KIFC3: variants seen among roughly 807,000 people sequenced by gnomAD.
KIFC3 encodes kinesin family member C3.
In KIFC3, 60 loss-of-function variants were observed where a neutral mutation model predicts 101.8. The observed-to-expected ratio is 0.59, with a 90% CI of 0.48 to 0.73. The LOEUF (loss-of-function observed/expected upper bound fraction) is 0.73. KIFC3 is among the 30% of genes least tolerant of loss of function. The pLI is 0.00. For missense variants in KIFC3, 966 were observed against 1,137.1 expected, an observed-to-expected ratio of 0.85 and a Z score of 2.16; for synonymous variants, 476 against 482.7, an observed-to-expected ratio of 0.99 and a Z score of 0.18.
At chr16:57,844,693 C>T (rs2055882604) in intron 1 of KIFC3, among the ~76,000 whole-genome samples, 1 of 152,128 alleles carries the variant, frequency 6.6e-6, no homozygotes, top group Non-Finnish European at 1.5e-5. Context: ...TGAACAGAGC[C>T]ATACCAGGGC....
chr16:57,774,929 C>T (rs1244885911), intron 3 of KIFC3: 7 of 1,478,750 alleles, frequency 4.7e-6, no homozygotes, highest in African/African-American at 2.8e-5. Flanking sequence ...TTCCACGCCC[C>T]CTCCCTCCCC....
intron 3 of KIFC3, among the ~76,000 whole-genome samples, chr16:57,779,044 T>C (rs1232925325): frequency 6.6e-6 from 1 of 152,162 alleles, no homozygotes; most frequent in South Asian, 2.1e-4. Context: ...AAATTAAAAA[T>C]TGAACTATCA....
intron 3 of KIFC3, among the ~76,000 whole-genome samples, chr16:57,784,860 G>A (rs893839069): frequency 6.6e-6 from 1 of 151,836 alleles, no homozygotes; most frequent in Non-Finnish European, 1.5e-5. Flanking sequence ...CCCATGGGAC[G>A]TGCAGCTCAT....
At position 57,832,426 on chromosome 16, in the gene KIFC3, T is replaced by C. The variant is rs148986351; in HGVS notation, c.108+30303A>G. Among the ~76,000 whole-genome samples, 406 of 147,152 alleles carry C rather than the reference T, an allele frequency of 2.8e-3. 4 individuals are homozygous for C. Among genetic ancestry groups the C allele is most frequent in the African/African-American group, 9.4e-3 (373 of 39,736 alleles). The stretch of plus-strand genomic sequence containing the variant: ...GCAATCTCTACCTCCCAGGTTCAAG[T>C]GATTCTCCTGCCTGAGCCTCCCAAG... On this transcript the variant is annotated intron_variant, in intron 1 of 2. Coordinates refer to the KIFC3 transcript ENST00000563028.
chr16:57,794,237 CTTTT>C (rs782736400), intron 3 of KIFC3, among the ~76,000 whole-genome samples: 1 of 143,802 alleles, frequency 7.0e-6, no homozygotes, highest in East Asian at 2.0e-4. Context: ...TTTTTCTTTT[CTTTT>C]TTTTTTTTTG....
upstream of KIFC3, among the ~76,000 whole-genome samples, chr16:57,805,021 G>C (rs1243271601): frequency 6.6e-6 from 1 of 151,948 alleles, no homozygotes; most frequent in Non-Finnish European, 1.5e-5. Flanking sequence ...GGTAGAGACA[G>C]GGTTTCACCA....
At chr16:57,854,093 C>A (rs973742296) in intron 1 of KIFC3, among the ~76,000 whole-genome samples, 1 of 151,904 alleles carries the variant, frequency 6.6e-6, no homozygotes, top group Non-Finnish European at 1.5e-5. Context: ...AGGTGCACAC[C>A]ATCACACCCA....
intron 1 of KIFC3, among the ~76,000 whole-genome samples, chr16:57,833,667 G>A (rs1025332372): frequency 1.3e-5 from 2 of 152,096 alleles, no homozygotes; most frequent in African/African-American, 2.4e-5. Context: ...CCCTACTCCC[G>A]ACTTTGGGTG....
intron 1 of KIFC3, chr16:57,815,326 A>G (rs2055195860): frequency 1.5e-6 from 1 of 646,414 alleles, no homozygotes; most frequent in Non-Finnish European, 2.1e-6. Flanking sequence ...ATTTGTAACC[A>G]GAGTAGCTCC....
At chr16:57,786,989 G>A (rs2053397551) in intron 3 of KIFC3, among the ~76,000 whole-genome samples, 1 of 152,242 alleles carries the variant, frequency 6.6e-6, no homozygotes, top group African/African-American at 2.4e-5. Flanking sequence ...GCTGGAGCTG[G>A]GCATCCCCGG....
intron 1 of KIFC3, among the ~76,000 whole-genome samples, chr16:57,841,177 A>C (rs1026450076): frequency 5.9e-5 from 9 of 152,262 alleles, no homozygotes; most frequent in Admixed American, 1.3e-4. Flanking sequence ...GGTGGAAAAA[A>C]ATAATTCAAA....
chr16:57,780,578 T>A (rs61177996), intron 3 of KIFC3, among the ~76,000 whole-genome samples: 98,638 of 139,892 alleles, frequency 0.71, 35,608 homozygotes, highest in Non-Finnish European at 0.79. Flanking sequence ...TAAAATGATT[T>A]AAAAAAAAAA....
intron 1 of KIFC3, among the ~76,000 whole-genome samples, chr16:57,845,060 C>T (rs758984078): frequency 1.3e-5 from 2 of 152,114 alleles, no homozygotes; most frequent in Non-Finnish European, 2.9e-5. Context: ...AATTAAGTGA[C>T]CTAGGCTCCT....
In KIFC3 at chr16:57,761,087, C is replaced by T. The variant is rs201137413; in HGVS notation, c.1957G>A (p.Val653Met). The T allele has an allele frequency of 6.2e-6, 10 of 1,613,708 alleles. No homozygotes were observed. The East Asian group carries it at 6.7e-5, about 11-fold the overall frequency. ...CTGCAGTCCACGCCTCGCACCGTCA[C>T]GATGAGCAGCGCGTGCGAGCGGGAG... ...HSSRSHALLI[V>M]TVRGVDCSTG... is the part of the protein sequence containing the mutation. Residue 653 changes from valine (V) to methionine (M), a missense_variant, in exon 15 of 20, where the codon GTG becomes ATG. Val to Met is a conservative substitution (Grantham distance 21). Transcript: ENST00000445690.
chr16:57,817,221 T>C (rs1157511554), intron 1 of KIFC3, among the ~76,000 whole-genome samples: 1 of 151,952 alleles, frequency 6.6e-6, no homozygotes, highest in African/African-American at 2.4e-5. Context: ...TAGCCGGGCA[T>C]GGTGGTAGGA....
rs550990568 is a variant in KIFC3 at position 57,775,209 on chromosome 16, C to A, written c.316-2921G>T. 631 of 1,332,564 alleles carry A rather than the reference C, an allele frequency of 4.7e-4. 1 individual carries two copies. The highest frequency in any genetic ancestry group is 5.7e-4 in the Non-Finnish European group (595 of 1,044,412). 82.5% of individuals were successfully genotyped at this position (1,332,564 alleles called of 1,614,324 possible). ...GAAGTGGCCGCAACCGCAACCAGGG[C>A]AGGCTGGGGAGCATGGGGGATGGTG... is the stretch of plus-strand genomic sequence containing the variant. On this transcript the variant is annotated intron_variant, in intron 3 of 19. Coordinates refer to ENST00000445690, the MANE Select transcript of KIFC3 (RefSeq NM_001130100.2).
intron 1 of KIFC3, among the ~76,000 whole-genome samples, chr16:57,857,934 C>T (rs2056213522): frequency 6.8e-6 from 1 of 148,062 alleles, no homozygotes; most frequent in Non-Finnish European, 1.5e-5. Flanking sequence ...TCAAGTGATT[C>T]TCCTGCCTCA....
Position 57,762,276 on chromosome 16 carries a change from G to T in KIFC3, c.1618-6C>A. The T allele has an allele frequency of 6.5e-7, 1 of 1,542,340 alleles. No homozygotes were observed. The highest frequency in any genetic ancestry group is 1.2e-5 in the South Asian group (1 of 84,422). ...CCTGGGTTCTCAGCGGTCCCCTGGG[G>T]ACAGAAGGAAAGGCCCCAGTAAGCC... On this transcript the variant is annotated splice_region_variant and splice_polypyrimidine_tract_variant and intron_variant, in intron 12 of 19. Transcript: ENST00000445690.
chr16:57,759,359 C>A (rs996832351), intron 18 of KIFC3: 33 of 633,050 alleles, frequency 5.2e-5, no homozygotes, highest in Non-Finnish European at 9.0e-5. Context: ...CCCTTTCTAC[C>A]CCCGGGGCAG....
Sources: allele counts gnomAD v4.1 joint callset (sites outside exome capture counted in the v4.1 genomes callset), GRCh38; gene constraint gnomAD v4.1.1; transcripts MANE v1.5; gene names NCBI Gene and HGNC (gene_info 2026-07-23, HGNC 2026-07-21).